CACNA2D1: variants seen among roughly 807,000 people sequenced by gnomAD.
CACNA2D1 encodes voltage-dependent calcium channel subunit alpha-2/delta-1.
In CACNA2D1, 53 loss-of-function variants were observed where a neutral mutation model predicts 171.5. That is an observed-to-expected ratio of 0.31 (90% CI 0.25 to 0.39). The LOEUF (loss-of-function observed/expected upper bound fraction) is 0.39, where lower values mean the gene tolerates loss of function less well. CACNA2D1 is among the 10% of genes least tolerant of loss of function. The probability of loss-of-function intolerance (pLI) is 1.00; values close to 1 mark genes in which losing one functional copy is unlikely to be tolerated. For missense variants in CACNA2D1, 903 were observed against 1,299.8 expected (o/e 0.69, Z 4.69); for synonymous variants, 442 against 443.1 (o/e 1.00, Z 0.03).
intron 3 of CACNA2D1, among the ~76,000 whole-genome samples, chr7:82,307,833 T>TA (rs1273408125): frequency 1.3e-5 from 2 of 152,148 alleles, no homozygotes; most frequent in Admixed American, 6.5e-5. Context: ...CAAAGAGGGA[T>TA]AAAAAATATT....
chr7:82,327,356 G>A (rs78948021), intron 3 of CACNA2D1, among the ~76,000 whole-genome samples: 11,742 of 152,134 alleles, frequency 0.077, 529 homozygotes, highest in Middle Eastern at 0.17. Context: ...GCCTACCTAC[G>A]TATATCTTAT....
At position 82,419,087 on chromosome 7, in the gene CACNA2D1, G is replaced by A. The variant is rs559848293; in HGVS notation, c.95+24278C>T. Among the ~76,000 whole-genome samples, 456 of 150,766 alleles carry A rather than the reference G, an allele frequency of 3.0e-3. 2 individuals carry two copies. Among genetic ancestry groups the A allele is most frequent in the Non-Finnish European group, 5.3e-3 (358 of 67,820 alleles). On this transcript the variant is annotated intron_variant, in intron 1 of 38. Coordinates refer to ENST00000356860, the MANE Select transcript of CACNA2D1 (RefSeq NM_000722.4). ...CTCGCGCCACTGCACTCCAACCAGGGTGACAGAGCAAGACTCCATCTCAAA... is the reference window on the plus strand; with the variant it reads ...CTCGCGCCACTGCACTCCAACCAGGATGACAGAGCAAGACTCCATCTCAAA...
chr7:82,167,346 T>A (rs1470398424), intron 4 of CACNA2D1, among the ~76,000 whole-genome samples: 1 of 152,110 alleles, frequency 6.6e-6, no homozygotes, highest in African/African-American at 2.4e-5. Context: ...TTTATAAGTT[T>A]CAACCACGAA....
At chr7:82,393,835 A>T (rs1459854291) in intron 1 of CACNA2D1, among the ~76,000 whole-genome samples, 5 of 152,220 alleles carry the variant, frequency 3.3e-5, no homozygotes, top group African/African-American at 9.7e-5. Context: ...TGAGTTACTG[A>T]TATATATAAT....
At chr7:82,250,047 T>C (rs1207928990) in intron 3 of CACNA2D1, among the ~76,000 whole-genome samples, 2 of 152,208 alleles carry the variant, frequency 1.3e-5, no homozygotes, top group Non-Finnish European at 2.9e-5. Flanking sequence ...CTTCCCATGG[T>C]GAAGGCAGAA....
chr7:82,260,147 A>T (rs1480962596), intron 3 of CACNA2D1, among the ~76,000 whole-genome samples: 1 of 152,134 alleles, frequency 6.6e-6, no homozygotes, highest in African/African-American at 2.4e-5. Context: ...GTTTGAACCC[A>T]GGAGGCAGAG....
At chr7:82,006,446 T>C (rs1326198818) in intron 16 of CACNA2D1, among the ~76,000 whole-genome samples, 1 of 152,108 alleles carries the variant, frequency 6.6e-6, no homozygotes, top group East Asian at 1.9e-4. Context: ...CAAACTGCTA[T>C]CATAATCTTC....
intron 19 of CACNA2D1, 101 bp downstream of exon 19, chr7:81,997,078 A>G (rs1368649756): frequency 1.3e-6 from 1 of 789,018 alleles, no homozygotes; most frequent in Non-Finnish European, 2.3e-6. Flanking sequence ...AGTATCAAAC[A>G]GACAAGCTAA....
intron 3 of CACNA2D1, among the ~76,000 whole-genome samples, chr7:82,249,340 T>C (rs1805355132): frequency 6.6e-6 from 1 of 151,986 alleles, no homozygotes; most frequent in Non-Finnish European, 1.5e-5. Flanking sequence ...CATGGACTTG[T>C]AGAAAAAAAG....
chr7:82,164,416 A>G (rs1052114997), intron 4 of CACNA2D1, among the ~76,000 whole-genome samples: 7 of 150,842 alleles, frequency 4.6e-5, no homozygotes, highest in Non-Finnish European at 1.0e-4. Flanking sequence ...TAAAACAGAA[A>G]TAACATTGTT....
chr7:82,435,336 C>G (rs1197930272), intron 1 of CACNA2D1, among the ~76,000 whole-genome samples: 4 of 151,982 alleles, frequency 2.6e-5, no homozygotes, highest in African/African-American at 9.7e-5. Context: ...CATGCCCGGC[C>G]CAGATACATA....
chr7:82,322,199 A>G (rs1816057037), intron 3 of CACNA2D1, among the ~76,000 whole-genome samples: 1 of 151,320 alleles, frequency 6.6e-6, no homozygotes, highest in African/African-American at 2.4e-5. Context: ...TGGAAGCTTA[A>G]TCACTAAAAA....
At chr7:82,256,239 A>G (rs1806289885) in intron 3 of CACNA2D1, among the ~76,000 whole-genome samples, 1 of 152,164 alleles carries the variant, frequency 6.6e-6, no homozygotes, top group Non-Finnish European at 1.5e-5. Flanking sequence ...GGTTGCAGTG[A>G]GCTGAGATTG....
chr7:82,387,621 T>G (rs980281935), intron 1 of CACNA2D1, among the ~76,000 whole-genome samples: 1 of 152,214 alleles, frequency 6.6e-6, no homozygotes, highest in Non-Finnish European at 1.5e-5. Context: ...CCCGATTTTA[T>G]GATTCATTTA....
chr7:82,348,277 C>G (rs1298395388), intron 2 of CACNA2D1, among the ~76,000 whole-genome samples: 1 of 152,162 alleles, frequency 6.6e-6, no homozygotes, highest in Non-Finnish European at 1.5e-5. Context: ...TACCTACACA[C>G]TTTCATATTC....
chr7:81,973,457 G>C (rs949302391), intron 25 of CACNA2D1, among the ~76,000 whole-genome samples: 1 of 151,942 alleles, frequency 6.6e-6, no homozygotes, highest in African/African-American at 2.4e-5. Flanking sequence ...GCAATAAATC[G>C]AAGTTAAGAG....
chr7:82,215,649 G>A (rs888624017), intron 3 of CACNA2D1, among the ~76,000 whole-genome samples: 1 of 151,832 alleles, frequency 6.6e-6, no homozygotes, highest in African/African-American at 2.4e-5. Context: ...TATTTATCAT[G>A]TTCTAATATA....
intron 3 of CACNA2D1, among the ~76,000 whole-genome samples, chr7:82,262,955 G>C (rs148395443): frequency 0.013 from 2,031 of 152,002 alleles, 31 homozygotes; most frequent in Middle Eastern, 0.058. Context: ...TTCCCACCTT[G>C]GTCTCTCACC....
At chr7:82,135,820 A>G (rs2129076810) in intron 5 of CACNA2D1, among the ~76,000 whole-genome samples, 1 of 152,276 alleles carries the variant, frequency 6.6e-6, no homozygotes, top group South Asian at 2.1e-4. Flanking sequence ...TACTTTTATT[A>G]TATTTGTTTG....
Sources: allele counts gnomAD v4.1 joint callset (sites outside exome capture counted in the v4.1 genomes callset), GRCh38; gene constraint gnomAD v4.1.1; transcripts MANE v1.5; gene names NCBI Gene and HGNC (gene_info 2026-07-23, HGNC 2026-07-21).